The following CYP7A1 variants were observed in gnomAD, a reference collection of about 807,000 sequenced individuals.
CYP7A1 encodes cytochrome P450 family 7 subfamily A member 1.
In CYP7A1, 28 loss-of-function variants were observed where a neutral mutation model predicts 43.8. The ratio of observed to expected loss-of-function variants is 0.64; its 90% CI spans 0.47 to 0.88. CYP7A1 has a LOEUF of 0.88. CYP7A1 is among the 40% of genes least tolerant of loss of function. CYP7A1 has a pLI of 0.00. For synonymous variants in CYP7A1, 227 were observed against 222.5 expected (o/e 1.02, Z -0.18); for missense variants, 637 against 611.9 (o/e 1.04, Z -0.43).
Position 58,491,109 on chromosome 8 carries a change from A to G in CYP7A1, c.*366T>C, listed in dbSNP as rs952665619. 7.2e-5 allele frequency: 18 copies of G among 250,134 alleles called. No homozygotes were observed. Among genetic ancestry groups the G allele is most frequent in the African/African-American group, 3.6e-4 (16 of 44,930 alleles). 15.5% of individuals were successfully genotyped at this position (250,134 alleles called of 1,614,324 possible). On this transcript the variant is annotated 3_prime_UTR_variant, in exon 6 of 6. Coordinates refer to ENST00000301645, the MANE Select transcript of CYP7A1 (RefSeq NM_000780.4). Reference sequence around the variant, plus strand: ...TTTGGCCTCTCGAGTAGCTAAGACTACAGGTGCCTGCTACCACACCTGGCT... The same window carrying G: ...TTTGGCCTCTCGAGTAGCTAAGACTGCAGGTGCCTGCTACCACACCTGGCT...
chr8:58,493,664 A>G (rs6997473), intron 4 of CYP7A1, among the ~76,000 whole-genome samples: 20,433 of 152,172 alleles, frequency 0.13, 2,281 homozygotes, highest in African/African-American at 0.3. Flanking sequence ...TTGCCTCCTT[A>G]AAGAAAATAA....
rs60059260 is a variant in CYP7A1, at chr8:58,498,325, A to G, written c.225T>C (p.Tyr75=). 1.9e-3 allele frequency: 3,073 copies of G among 1,614,152 alleles called. 51 individuals carry two copies. The African/African-American group carries it at 0.035, about 19-fold the overall frequency. The part of the protein sequence containing the change: ...HVFTCKLMGK[Y]VHFITNPLSY... ...ACAAGGGATTTGTGATGAAATGGAC[A>G]TATTTTCCCATTAGTTTGCAGGTAA... Residue 75 remains tyrosine (Y), a synonymous_variant, in exon 2 of 6, where the codon TAT becomes TAC. Transcript: ENST00000301645.
At chr8:58,497,535 G>T (rs1361473371) in intron 2 of CYP7A1, among the ~76,000 whole-genome samples, 3 of 151,802 alleles carry the variant, frequency 2.0e-5, no homozygotes, top group African/African-American at 7.3e-5. Flanking sequence ...TTTTCTTTTA[G>T]AGATGGGGTC....
chr8:58,495,695 C>T (rs1809433696), intron 3 of CYP7A1, among the ~76,000 whole-genome samples: 1 of 152,120 alleles, frequency 6.6e-6, no homozygotes, highest in South Asian at 2.1e-4. Flanking sequence ...GATGCGTATG[C>T]CTGCTGTAAA....
At position 58,497,041 on chromosome 8, in the gene CYP7A1, G is replaced by T. The variant is rs766929793; in HGVS notation, c.471C>A (p.Val157=). The change falls in exon 3 of 6, where the codon GTC becomes GTA. Residue 157 remains valine, a synonymous_variant. Coordinates refer to ENST00000301645, the MANE Select transcript of CYP7A1 (RefSeq NM_000780.4). The part of the protein sequence containing the change: ...ENLQRIMRPP[V]SSNSKTAAWV... ...AGGCAGCGGTCTTTGAGTTAGAGGA[G>T]ACTGGAGGTCTCATGATACGTTGGA... The T allele has an allele frequency of 6.2e-7, 1 of 1,608,662 alleles. No homozygotes were observed. The highest frequency in any genetic ancestry group is 8.5e-7 in the Non-Finnish European group (1 of 1,180,008).
rs550428853 is a variant in CYP7A1, at chr8:58,495,371, G to A, written c.909-735C>T. On this transcript the variant is annotated intron_variant, in intron 3 of 5. Coordinates refer to ENST00000301645, the MANE Select transcript of CYP7A1 (RefSeq NM_000780.4). Reference sequence around the variant, plus strand: ...CTCCCGAGTAGCTGGGACTACAGGCGCCCGCCACCACGCCCAGCTAATTTT... The same window carrying A: ...CTCCCGAGTAGCTGGGACTACAGGCACCCGCCACCACGCCCAGCTAATTTT... 4.0e-3 allele frequency among the ~76,000 whole-genome samples: 601 copies of A among 151,660 alleles called. 3 individuals are homozygous for A. The highest frequency in any genetic ancestry group is 0.014 in the African/African-American group (564 of 41,452).
chr8:58,493,658 C>T (rs1327052263), intron 4 of CYP7A1, among the ~76,000 whole-genome samples: 1 of 152,168 alleles, frequency 6.6e-6, no homozygotes, highest in Non-Finnish European at 1.5e-5. Flanking sequence ...AGCTTCTTGC[C>T]TCCTTAAAGA....
Position 58,496,702 on chromosome 8 carries a change from A to C in CYP7A1, c.810T>G (p.Phe270Leu). ...RMFLNDTLSTFDDLEKAKTHL... is the reference protein window; with the variant it reads ...RMFLNDTLSTLDDLEKAKTHL... ...GTGTCTTGGCCTTCTCCAGATCATC[A>C]AAGGTGGACAAAGTGTCATTGAGAA... The change falls in exon 3 of 6, where the codon TTT (phenylalanine) becomes TTG (leucine). Residue 270 changes from phenylalanine (F) to leucine (L), a missense_variant. Phe to Leu is a conservative substitution (Grantham distance 22). Coordinates refer to ENST00000301645, the MANE Select transcript of CYP7A1 (RefSeq NM_000780.4). 1.2e-6 allele frequency: 2 copies of C among 1,614,190 alleles called. No individual in the cohort carries two copies. The highest frequency in any genetic ancestry group is 2.2e-5 in the South Asian group (2 of 91,086).
intron 1 of CYP7A1, among the ~76,000 whole-genome samples, chr8:58,499,624 A>G (rs1809499969): frequency 6.6e-6 from 1 of 152,178 alleles, no homozygotes; most frequent in Admixed American, 6.5e-5. Context: ...TAACAAGAGT[A>G]TCTATTGAAG....
At position 58,494,235 on chromosome 8, in the gene CYP7A1, G is replaced by C. The variant is rs1809403526; in HGVS notation, c.1039+271C>G. On this transcript the variant is annotated intron_variant, in intron 4 of 5. Coordinates refer to ENST00000301645, the MANE Select transcript of CYP7A1 (RefSeq NM_000780.4). Reference sequence around the variant, plus strand: ...ATGAGAAACATGGTGTGGCAGTGCAGGGTGGTAGTTGAGAGAATAGGATGC... The same window carrying C: ...ATGAGAAACATGGTGTGGCAGTGCACGGTGGTAGTTGAGAGAATAGGATGC... Among the ~76,000 whole-genome samples the C allele has an allele frequency of 5.3e-5, 8 of 152,182 alleles. No homozygotes were observed. In the South Asian group the frequency reaches 1.7e-3, roughly 32 times the overall value.
intron 1 of CYP7A1, among the ~76,000 whole-genome samples, chr8:58,498,996 G>A (rs1225691833): frequency 6.6e-6 from 1 of 152,166 alleles, no homozygotes; most frequent in Non-Finnish European, 1.5e-5. Flanking sequence ...TGGTTTCAGA[G>A]AAGAAGAATC....
At chr8:58,495,215 T>TTATTTATTTA (rs369276545) in intron 3 of CYP7A1, among the ~76,000 whole-genome samples, 1 of 143,404 alleles carries the variant, frequency 7.0e-6, no homozygotes, top group African/African-American at 2.6e-5. Context: ...TTTATTTTAT[T>TTATTTATTTA]TTTATTTATT....
At chr8:58,494,382 A>G in intron 4 of CYP7A1, 124 bp downstream of exon 4, 1 of 1,063,778 alleles carries the variant, frequency 9.4e-7, no homozygotes, top group South Asian at 1.3e-5. Context: ...GGATTAACCG[A>G]GAAAACTCAT....
At chr8:58,499,056 C>T (rs1204632888) in intron 1 of CYP7A1, among the ~76,000 whole-genome samples, 1 of 152,152 alleles carries the variant, frequency 6.6e-6, no homozygotes, top group Non-Finnish European at 1.5e-5. Context: ...AAGATAAACA[C>T]TGACGGAATC....
chr8:58,492,991 G>T (rs1407961685), intron 4 of CYP7A1, among the ~76,000 whole-genome samples: 2 of 152,096 alleles, frequency 1.3e-5, no homozygotes, highest in South Asian at 4.1e-4. Context: ...GGTTGCTCTT[G>T]AGCTCCTAGG....
At chr8:58,493,208 C>T (rs1809380222) in intron 4 of CYP7A1, among the ~76,000 whole-genome samples, 1 of 152,220 alleles carries the variant, frequency 6.6e-6, no homozygotes, top group Non-Finnish European at 1.5e-5. Context: ...ATCAGTAATA[C>T]ATTTTTATAG....
intron 5 of CYP7A1, 149 bp downstream of exon 5, chr8:58,492,204 T>C: frequency 1.2e-6 from 1 of 804,680 alleles, no homozygotes; most frequent in Non-Finnish European, 2.1e-6. Context: ...CTATCTAAAT[T>C]TTCCAAAATA....
rs911023743 is a variant in CYP7A1, at chr8:58,490,606, C to G, written c.*869G>C. 2.1e-4 allele frequency: 32 copies of G among 152,018 alleles called. No homozygotes were observed. Among genetic ancestry groups the G allele is most frequent in the African/African-American group, 7.5e-4 (31 of 41,388 alleles). 9.4% of individuals were successfully genotyped at this position (152,018 alleles called of 1,614,324 possible). On this transcript the variant is annotated 3_prime_UTR_variant, in exon 6 of 6. Coordinates refer to ENST00000301645, the MANE Select transcript of CYP7A1 (RefSeq NM_000780.4). Reference sequence around the variant, plus strand: ...ACAGAAAAACTACCTTTTTTAATCTCTGAGAAAACTCTTCTCATTAATGTG... The same window carrying G: ...ACAGAAAAACTACCTTTTTTAATCTGTGAGAAAACTCTTCTCATTAATGTG...
In CYP7A1 at chr8:58,491,742, G is replaced by A. The variant is rs114370904; in HGVS notation, c.1248C>T (p.Asn416=). 1.4e-3 allele frequency: 2,201 copies of A among 1,613,402 alleles called. 40 individuals carry two copies. In the African/African-American group the frequency reaches 0.026, roughly 19 times the overall value. Residue 416 remains asparagine (N), a synonymous_variant, in exon 6 of 6, where the codon AAC becomes AAT. Transcript: ENST00000301645. ...TFKYDRYLDE[N]GKTKTTFYCN... is the part of the protein sequence containing the mutation. ...AATAGAAGGTAGTCTTTGTCTTCCC[G>A]TTTTCATCAAGATACCTATCATATT...
Sources: gnomAD v4.1 joint callset for allele counts (sites outside exome capture counted in the v4.1 genomes callset) on GRCh38, gnomAD v4.1.1 for gene constraint, MANE v1.5 for transcripts, NCBI Gene and HGNC (gene_info 2026-07-23, HGNC 2026-07-21) for gene names.